DCC: variants seen among roughly 807,000 people sequenced by gnomAD.
DCC encodes the protein netrin receptor DCC.
DCC carries 58 observed loss-of-function variants against 172.5 expected under a neutral mutation model. The observed-to-expected ratio is 0.34, with a 90% CI of 0.27 to 0.42. The LOEUF (loss-of-function observed/expected upper bound fraction) is 0.42. Among genes scored for constraint, DCC ranks in the 10% least tolerant of loss-of-function variants. DCC has a pLI of 1.00. For missense variants in DCC, 1,740 were observed against 1,791.0 expected (o/e 0.97, Z 0.51); for synonymous variants, 709 against 644.5 (o/e 1.10, Z -1.52).
chr18:52,452,032 A>G (rs560873554), intron 1 of DCC, among the ~76,000 whole-genome samples: 5 of 152,236 alleles, frequency 3.3e-5, no homozygotes, highest in African/African-American at 1.2e-4. Flanking sequence ...ACCTGCTCTG[A>G]ATCAGTCCTT....
At chr18:53,119,445 T>C (rs1459741947) in intron 7 of DCC, among the ~76,000 whole-genome samples, 2 of 151,936 alleles carry the variant, frequency 1.3e-5, no homozygotes, top group East Asian at 3.9e-4. Context: ...CCTCACATAT[T>C]AGACTCTGTC....
chr18:52,668,034 T>G (rs2144962585), intron 1 of DCC, among the ~76,000 whole-genome samples: 1 of 146,648 alleles, frequency 6.8e-6, no homozygotes. Flanking sequence ...CCTTAACGAG[T>G]AGAGAAGGAA....
chr18:52,803,978 C>T (rs903241899), intron 2 of DCC, among the ~76,000 whole-genome samples: 1 of 152,082 alleles, frequency 6.6e-6, no homozygotes, highest in Non-Finnish European at 1.5e-5. Context: ...TGGGCACCAG[C>T]ATGGTGGTGG....
chr18:53,225,103 G>T (rs1475363667), intron 12 of DCC, among the ~76,000 whole-genome samples: 1 of 152,090 alleles, frequency 6.6e-6, no homozygotes, highest in Non-Finnish European at 1.5e-5. Flanking sequence ...CCAAAGGGTG[G>T]GAGCTGTTAA....
At chr18:52,779,410 T>A (rs2037491923) in intron 2 of DCC, among the ~76,000 whole-genome samples, 1 of 152,196 alleles carries the variant, frequency 6.6e-6, no homozygotes, top group East Asian at 1.9e-4. Context: ...CAGTGTTTGA[T>A]TTCCTGTTCC....
intron 5 of DCC, among the ~76,000 whole-genome samples, chr18:53,037,888 T>C (rs1330334215): frequency 6.6e-6 from 1 of 151,908 alleles, no homozygotes; most frequent in Non-Finnish European, 1.5e-5. Context: ...GAAAATGTTC[T>C]ATAATGTTTG....
At chr18:52,792,835 A>ATTCCATTCTATTCCATTCTC (rs2037801608) in intron 2 of DCC, among the ~76,000 whole-genome samples, 1 of 146,194 alleles carries the variant, frequency 6.8e-6, no homozygotes, top group Non-Finnish European at 1.5e-5. Flanking sequence ...ATTCCATTCT[A>ATTCCATTCTATTCCATTCTC]TTCCATTCCA....
chr18:53,412,380 C>G (rs181275892), intron 20 of DCC, among the ~76,000 whole-genome samples: 7 of 152,000 alleles, frequency 4.6e-5, no homozygotes. Context: ...TAATTTTGTA[C>G]ATGTATACAT....
chr18:53,162,629 C>T (rs559490483), intron 8 of DCC, among the ~76,000 whole-genome samples: 373 of 152,226 alleles, frequency 2.5e-3, no homozygotes, highest in African/African-American at 8.6e-3. Context: ...GAGATCTTTG[C>T]GCTTGCTCTT....
chr18:53,066,309 A>G (rs554871260), intron 7 of DCC, 143 bp downstream of exon 7: 3 of 648,504 alleles, frequency 4.6e-6, no homozygotes, highest in Admixed American at 4.7e-5. Flanking sequence ...ATACTTGTGT[A>G]TTGATGACAT....
chr18:53,499,176 G>GGAGAA lies in DCC; in HGVS notation c.3899-117_3899-113dup, dbSNP rs1265700472. 57 of 925,542 alleles carry GGAGAA rather than the reference G, an allele frequency of 6.2e-5. 1 individual carries two copies. In the East Asian group the frequency reaches 1.4e-3, roughly 23 times the overall value. 57.3% of individuals were successfully genotyped at this position (925,542 alleles called of 1,614,324 possible). On this transcript the variant is annotated intron_variant, in intron 26 of 28. Transcript: ENST00000442544. ...AGACGAATGACAATGTTCATAACTT[G>GGAGAA]GAGAAGAGACTGACCACATCCTATC...
At chr18:52,548,576 A>G (rs954167933) in intron 1 of DCC, among the ~76,000 whole-genome samples, 13 of 152,144 alleles carry the variant, frequency 8.5e-5, no homozygotes, top group Non-Finnish European at 1.5e-5. Flanking sequence ...TTTCACAGAA[A>G]TAACTTCTAG....
intron 1 of DCC, among the ~76,000 whole-genome samples, chr18:52,741,049 T>C (rs1384078516): frequency 1.3e-5 from 2 of 152,188 alleles, no homozygotes; most frequent in Admixed American, 6.5e-5. Context: ...GACAAAGAAC[T>C]CAGGTCTCCT....
intron 12 of DCC, among the ~76,000 whole-genome samples, chr18:53,258,808 G>C (rs1220345453): frequency 6.6e-6 from 1 of 152,128 alleles, no homozygotes; most frequent in Admixed American, 6.5e-5. Flanking sequence ...TGTTGACAGT[G>C]GGGTGTTAAA....
intron 1 of DCC, among the ~76,000 whole-genome samples, chr18:52,734,173 TAGTA>T (rs1599058231): frequency 6.6e-6 from 1 of 152,032 alleles, no homozygotes; most frequent in East Asian, 1.9e-4. Flanking sequence ...CATGGGTACA[TAGTA>T]GGTGTATATA....
intron 15 of DCC, among the ~76,000 whole-genome samples, chr18:53,367,283 T>G (rs1338028563): frequency 6.6e-6 from 1 of 151,946 alleles, no homozygotes; most frequent in Non-Finnish European, 1.5e-5. Context: ...AAAAAATGAG[T>G]ATAGCCCTCT....
chr18:53,137,609 A>G (rs2043763862), intron 7 of DCC, among the ~76,000 whole-genome samples: 1 of 152,188 alleles, frequency 6.6e-6, no homozygotes, highest in Non-Finnish European at 1.5e-5. Context: ...TATTGACTAG[A>G]AATCCAACTG....
At chr18:53,413,505 A>C (rs986115485) in intron 20 of DCC, among the ~76,000 whole-genome samples, 5 of 152,208 alleles carry the variant, frequency 3.3e-5, no homozygotes. Flanking sequence ...ACTCTTCAGT[A>C]GATAACATTT....
At chr18:52,696,712 G>A (rs971137938) in intron 1 of DCC, among the ~76,000 whole-genome samples, 2 of 152,132 alleles carry the variant, frequency 1.3e-5, no homozygotes, top group Non-Finnish European at 2.9e-5. Flanking sequence ...CATGAATGAC[G>A]GGATATTTGA....
Sources: gnomAD v4.1 joint callset for allele counts (sites outside exome capture counted in the v4.1 genomes callset) on GRCh38, gnomAD v4.1.1 for gene constraint, MANE v1.5 for transcripts, NCBI Gene and HGNC (gene_info 2026-07-23, HGNC 2026-07-21) for gene names.